Variants in COL27A1 observed in about 807,000 individuals in gnomAD.
COL27A1 encodes collagen alpha-1(XXVII) chain.
COL27A1 carries 106 observed loss-of-function variants against 251.3 expected under a neutral mutation model. The ratio of observed to expected loss-of-function variants is 0.42; its 90% CI spans 0.36 to 0.50. The LOEUF is 0.50. Ranked by LOEUF, COL27A1 falls within the 20% of genes least tolerant of loss-of-function variation. COL27A1 has a pLI of 0.00. For missense variants in COL27A1, 2,325 were observed against 2,522.8 expected, an observed-to-expected ratio of 0.92 and a Z score of 1.68; for synonymous variants, 1,000 against 986.3, an observed-to-expected ratio of 1.01 and a Z score of -0.26.
At chr9:114,274,464 A>C (rs1835354899) in intron 36 of COL27A1, among the ~76,000 whole-genome samples, 2 of 152,240 alleles carry the variant, frequency 1.3e-5, no homozygotes, top group Admixed American at 1.3e-4. Flanking sequence ...AATGGGACTA[A>C]AAGCGGACCA....
intron 24 of COL27A1, 142 bp downstream of exon 24, chr9:114,246,052 T>G: frequency 1.5e-6 from 1 of 661,882 alleles, no homozygotes; most frequent in Non-Finnish European, 2.6e-6. Flanking sequence ...CCTCTACCCC[T>G]TTCACGAATG....
At chr9:114,255,208 G>T (rs1269259872) in intron 27 of COL27A1, among the ~76,000 whole-genome samples, 1 of 152,204 alleles carries the variant, frequency 6.6e-6, no homozygotes, top group Non-Finnish European at 1.5e-5. Context: ...GACTGTTGGG[G>T]TAGAAGCAGG....
At chr9:114,191,180 C>A (rs1828721594) in intron 5 of COL27A1, among the ~76,000 whole-genome samples, 1 of 152,182 alleles carries the variant, frequency 6.6e-6, no homozygotes, top group South Asian at 2.1e-4. Flanking sequence ...AGTTTTTCAT[C>A]TGCAGTATAT....
intron 13 of COL27A1, 25 bp downstream of exon 13, chr9:114,219,869 C>T: frequency 1.3e-6 from 2 of 1,570,984 alleles, no homozygotes; most frequent in Non-Finnish European, 1.8e-6. Flanking sequence ...TCTTTGGGAA[C>T]AGGAGCGAGA....
intron 1 of COL27A1, among the ~76,000 whole-genome samples, chr9:114,159,375 G>A (rs974907590): frequency 1.4e-4 from 22 of 152,024 alleles, no homozygotes; most frequent in African/African-American, 5.1e-4. Context: ...TCCCCACCTC[G>A]CCTTTCTTTA....
At chr9:114,260,519 G>C (rs1274162350) in intron 28 of COL27A1, among the ~76,000 whole-genome samples, 2 of 152,188 alleles carry the variant, frequency 1.3e-5, no homozygotes, top group Admixed American at 1.3e-4. Context: ...GTGGCGCTCT[G>C]TGCCTCAGTT....
At position 114,290,038 on chromosome 9, in the gene COL27A1, T is replaced by C; in HGVS notation, c.4207-20T>C. On this transcript the variant is annotated intron_variant, in intron 45 of 60. Coordinates refer to ENST00000356083, the MANE Select transcript of COL27A1 (RefSeq NM_032888.4). The surrounding 1 kb of genome is among the most constrained non-coding windows in gnomAD (Gnocchi z 4.6). ...CACCTCTACCAGGCAGCCTCCATCATGTGGCCCTTGATTTTTCAGGGACCA... is the reference window on the plus strand; with the variant it reads ...CACCTCTACCAGGCAGCCTCCATCACGTGGCCCTTGATTTTTCAGGGACCA... 6.2e-7 allele frequency: 1 copy of C among 1,611,482 alleles called. No individual in the cohort carries two copies. The highest frequency in any genetic ancestry group is 8.5e-7 in the Non-Finnish European group (1 of 1,179,908).
intron 4 of COL27A1, 88 bp downstream of exon 4, chr9:114,178,432 T>C: frequency 8.3e-7 from 1 of 1,201,748 alleles, no homozygotes; most frequent in African/African-American, 1.5e-5. Context: ...TTGCTGTGTG[T>C]CCTCAGGTTC....
chr9:114,288,510 G>A lies in COL27A1; in HGVS notation c.4043G>A (p.Arg1348Gln), dbSNP rs1631319. 11,476 of 1,604,402 alleles carry A rather than the reference G, an allele frequency of 7.2e-3. 717 individuals carry two copies. The African/African-American group carries it at 0.13, about 19-fold the overall frequency. The stretch of plus-strand genomic sequence containing the variant: ...GGGCCCCCTGGGCCACCTGGAGATC[G>A]GGTAAGCCCCCTCCCTCCCCTGGAC... ...AEGPPGPPGD[R>Q]GPVGDRGDRG... is the part of the protein sequence containing the mutation. The change falls in exon 42 of 61, where the codon CGG (arginine) becomes CAG (glutamine). Residue 1348 changes from arginine to glutamine, a missense_variant and splice_region_variant. This residue lies in a region of COL27A1 where 662 missense variants were observed against 795.3 expected (regional missense o/e 0.83). Coordinates refer to ENST00000356083, the MANE Select transcript of COL27A1 (RefSeq NM_032888.4).
intron 12 of COL27A1, among the ~76,000 whole-genome samples, chr9:114,212,559 G>A (rs1409394120): frequency 2.0e-5 from 3 of 152,188 alleles, no homozygotes; most frequent in Non-Finnish European, 4.4e-5. Flanking sequence ...GGGAGTACTT[G>A]AGGGTTGGGA....
chr9:114,300,384 G>C (rs1266381715), intron 50 of COL27A1: 7 of 584,990 alleles, frequency 1.2e-5, no homozygotes, highest in Non-Finnish European at 2.1e-5. Flanking sequence ...TGGGAGCAAT[G>C]ACAGTAGAAG....
At chr9:114,229,724 A>C (rs1464695327) in intron 14 of COL27A1, among the ~76,000 whole-genome samples, 3 of 152,128 alleles carry the variant, frequency 2.0e-5, no homozygotes, top group Non-Finnish European at 4.4e-5. Context: ...CCTTTCTCTG[A>C]GTGCAGACTT....
At position 114,288,717 on chromosome 9, in the gene COL27A1, C is replaced by T. The variant is rs753461513; in HGVS notation, c.4060C>T (p.Arg1354Ter). 1 of 1,610,602 alleles carries T rather than the reference C, an allele frequency of 6.2e-7. No homozygotes were observed. The highest frequency in any genetic ancestry group is 8.5e-7 in the Non-Finnish European group (1 of 1,177,312). Residue 1354 changes from arginine to a stop codon, truncating the protein, a stop_gained, in exon 43 of 61, where the codon CGA becomes TGA. Transcript: ENST00000356083. LOFTEE classifies it high-confidence loss of function. ...TGTCATTCAGGGCCCTGTGGGTGAT[C>T]GAGGAGACCGCGGGGAACCGGGAGA... ...PPGDRGPVGD[R>*]GDRGEPGDPG...
At chr9:114,270,142 A>G (rs937942408) in intron 35 of COL27A1, among the ~76,000 whole-genome samples, 2 of 152,206 alleles carry the variant, frequency 1.3e-5, no homozygotes, top group Non-Finnish European at 2.9e-5. Flanking sequence ...GGCTTACTCC[A>G]GCTCCAGTAA....
intron 37 of COL27A1, 57 bp from the exon 38 acceptor site, chr9:114,282,220 C>T: frequency 6.5e-7 from 1 of 1,533,620 alleles, no homozygotes; most frequent in Admixed American, 1.7e-5. Flanking sequence ...TGCGGATCCG[C>T]CTCAGTTTCC....
intron 16 of COL27A1, among the ~76,000 whole-genome samples, chr9:114,232,224 A>G (rs1261689811): frequency 6.6e-6 from 1 of 152,182 alleles, no homozygotes; most frequent in Non-Finnish European, 1.5e-5. Flanking sequence ...CACAGGAGGA[A>G]ACAAATCTAC....
chr9:114,197,822 A>G (rs2135260209), intron 7 of COL27A1, among the ~76,000 whole-genome samples: 1 of 152,364 alleles, frequency 6.6e-6, no homozygotes, highest in South Asian at 2.1e-4. Flanking sequence ...AGACATGCAC[A>G]GAAGAGTTTC....
At chr9:114,206,102 G>A in intron 9 of COL27A1, 150 bp from the exon 10 acceptor site, 1 of 786,092 alleles carries the variant, frequency 1.3e-6, no homozygotes, top group Non-Finnish European at 2.2e-6. Flanking sequence ...TCCTAGGGCT[G>A]TGGGGGTCAG....
chr9:114,264,048 G>A (rs976111965), intron 28 of COL27A1, among the ~76,000 whole-genome samples: 3 of 152,216 alleles, frequency 2.0e-5, no homozygotes, highest in African/African-American at 7.2e-5. Context: ...CAGTCTCCAC[G>A]TCTGTGAAAT....
Sources: allele counts gnomAD v4.1 joint callset (sites outside exome capture counted in the v4.1 genomes callset), GRCh38; gene constraint gnomAD v4.1.1; regional missense constraint gnomAD v4.1.1; non-coding constraint Gnocchi (gnomAD v3.1); transcripts MANE v1.5; gene names NCBI Gene and HGNC (gene_info 2026-07-23, HGNC 2026-07-21).